The following PLPPR1 variants were observed in gnomAD, a reference collection of about 807,000 sequenced individuals.
PLPPR1 encodes the protein phospholipid phosphatase related 1, also known as phospholipid phosphatase-related protein type 1.
PLPPR1 carries 10 observed loss-of-function variants against 33.1 expected under a neutral mutation model. The observed-to-expected ratio is 0.30, with a 90% confidence interval of 0.19 to 0.51. The LOEUF is 0.51. Ranked by LOEUF, PLPPR1 falls within the 20% of genes least tolerant of loss-of-function variation. PLPPR1 has a pLI of 0.97. For missense variants in PLPPR1, 304 were observed against 408.1 expected, an observed-to-expected ratio of 0.74 and a Z score of 2.20; for synonymous variants, 151 against 151.0, an observed-to-expected ratio of 1.00 and a Z score of 0.00.
chr9:101,207,875 C>T (rs1313413614), intron 2 of PLPPR1, among the ~76,000 whole-genome samples: 1 of 152,188 alleles, frequency 6.6e-6, no homozygotes, highest in Non-Finnish European at 1.5e-5. Flanking sequence ...CACAGAAGGA[C>T]TTCCAAGAGC....
At chr9:101,182,282 G>T (rs987937085) in intron 1 of PLPPR1, among the ~76,000 whole-genome samples, 1 of 151,540 alleles carries the variant, frequency 6.6e-6, no homozygotes, top group Non-Finnish European at 1.5e-5. Context: ...ATCAAAGGGT[G>T]TAAAGTTTCA....
At chr9:101,245,274 A>T (rs1434925956) in intron 2 of PLPPR1, among the ~76,000 whole-genome samples, 1 of 152,026 alleles carries the variant, frequency 6.6e-6, no homozygotes, top group Non-Finnish European at 1.5e-5. Flanking sequence ...AAACAATGAA[A>T]ATAAATGAAC....
At chr9:101,098,295 C>G (rs545515331) in intron 1 of PLPPR1, among the ~76,000 whole-genome samples, 6 of 151,214 alleles carry the variant, frequency 4.0e-5, no homozygotes, top group African/African-American at 1.5e-4. Context: ...CCTGGTGGGT[C>G]ATGAGTATCA....
chr9:101,243,489 T>C (rs1827521483), intron 2 of PLPPR1, among the ~76,000 whole-genome samples: 1 of 151,958 alleles, frequency 6.6e-6, no homozygotes, highest in Non-Finnish European at 1.5e-5. Flanking sequence ...TGGCTAAATA[T>C]GGAGTGTAGA....
chr9:101,275,427 C>G (rs112248575), intron 3 of PLPPR1, among the ~76,000 whole-genome samples: 1 of 152,196 alleles, frequency 6.6e-6, no homozygotes, highest in Admixed American at 6.5e-5. Flanking sequence ...TATTGAGACA[C>G]GGCCACATGG....
chr9:101,070,010 T>C (rs985851261), intron 1 of PLPPR1, among the ~76,000 whole-genome samples: 1 of 152,112 alleles, frequency 6.6e-6, no homozygotes, highest in African/African-American at 2.4e-5. Context: ...ATACTATCAA[T>C]GTGACTTATA....
intron 2 of PLPPR1, among the ~76,000 whole-genome samples, chr9:101,241,159 G>A (rs1827457595): frequency 6.6e-6 from 1 of 152,044 alleles, no homozygotes; most frequent in Non-Finnish European, 1.5e-5. Flanking sequence ...GTACATGAAA[G>A]GTTTATTGGG....
intron 1 of PLPPR1, among the ~76,000 whole-genome samples, chr9:101,049,756 CAAAAT>C (rs1830196137): frequency 6.7e-6 from 1 of 150,364 alleles, no homozygotes; most frequent in African/African-American, 2.5e-5. Context: ...TGTATAAAAA[CAAAAT>C]AAAAAATAAC....
At position 101,307,216 on chromosome 9, in the gene PLPPR1, T is replaced by C. The variant is rs565654713; in HGVS notation, c.386-1995T>C. Among the ~76,000 whole-genome samples the C allele has an allele frequency of 1.5e-4, 23 of 152,250 alleles. No individual in the cohort carries two copies. The South Asian group carries it at 2.5e-3, about 16-fold the overall frequency. On this transcript the variant is annotated intron_variant, in intron 4 of 7. Transcript: ENST00000374874. ...CAATGGTGTGGAGAGCTGGCCACCA[T>C]ACAATCGCTGTGACCACAGAGCTGG...
chr9:101,291,173 G>A (rs930946143), intron 4 of PLPPR1, among the ~76,000 whole-genome samples: 3 of 152,206 alleles, frequency 2.0e-5, no homozygotes, highest in Non-Finnish European at 4.4e-5. Flanking sequence ...CGCCCATGGA[G>A]TCTCCCTGAT....
At chr9:101,167,185 T>TGTGTGTGTGTGTGTGTGTGTGTGTG (rs1491118695) in intron 1 of PLPPR1, among the ~76,000 whole-genome samples, 53 of 68,152 alleles carry the variant, frequency 7.8e-4, no homozygotes, top group Non-Finnish European at 8.4e-4. Context: ...TGTGTGTGTC[T>TGTGTGTGTGTGTGTGTGTGTGTGTG]TTCTCTCTCT....
At chr9:101,267,317 ATC>A (rs1471465223) in intron 2 of PLPPR1, among the ~76,000 whole-genome samples, 1 of 152,206 alleles carries the variant, frequency 6.6e-6, no homozygotes, top group East Asian at 1.9e-4. Context: ...GCTTTGGAGT[ATC>A]TCTCTCAATC....
intron 1 of PLPPR1, among the ~76,000 whole-genome samples, chr9:101,059,586 CA>C (rs2118462836): frequency 1.3e-5 from 2 of 151,858 alleles, no homozygotes; most frequent in East Asian, 3.9e-4. Flanking sequence ...GGTTAATATC[CA>C]AAATATATAA....
chr9:101,186,458 T>G (rs1354525090), intron 2 of PLPPR1, among the ~76,000 whole-genome samples: 1 of 151,842 alleles, frequency 6.6e-6, no homozygotes, highest in Non-Finnish European at 1.5e-5. Context: ...TAGCATATTC[T>G]TTCTTACGGC....
chr9:101,303,175 G>A (rs1239537669), intron 4 of PLPPR1, among the ~76,000 whole-genome samples: 18 of 151,132 alleles, frequency 1.2e-4, no homozygotes, highest in Non-Finnish European at 2.9e-5. Flanking sequence ...GTAAGGACAG[G>A]GTTTTATCAT....
At chr9:101,178,368 G>A (rs535751105) in intron 1 of PLPPR1, among the ~76,000 whole-genome samples, 69 of 152,304 alleles carry the variant, frequency 4.5e-4, no homozygotes, top group Middle Eastern at 3.4e-3. Flanking sequence ...TGGGGTGGCA[G>A]GTTGATTATA....
intron 4 of PLPPR1, among the ~76,000 whole-genome samples, chr9:101,288,672 G>C (rs776771673): frequency 6.6e-6 from 1 of 152,060 alleles, no homozygotes; most frequent in Non-Finnish European, 1.5e-5. Context: ...GACACCTTAC[G>C]CCATCTGGGA....
intron 2 of PLPPR1, among the ~76,000 whole-genome samples, chr9:101,191,492 T>C (rs2118728723): frequency 6.6e-6 from 1 of 152,220 alleles, no homozygotes; most frequent in Middle Eastern, 3.4e-3. Context: ...TCTTCCTCCT[T>C]CCTTTTTTTC....
intron 2 of PLPPR1, 132 bp downstream of exon 2, chr9:101,185,689 A>G (rs934192738): frequency 3.4e-6 from 2 of 595,044 alleles, no homozygotes; most frequent in African/African-American, 3.8e-5. Flanking sequence ...ATATTGGTAA[A>G]GATTAATAAA....
Sources: allele counts gnomAD v4.1 joint callset (sites outside exome capture counted in the v4.1 genomes callset), GRCh38; gene constraint gnomAD v4.1.1; transcripts MANE v1.5; gene names NCBI Gene and HGNC (gene_info 2026-07-23, HGNC 2026-07-21).